The following CDH17 variants were observed in gnomAD, a reference collection of about 807,000 sequenced individuals.
CDH17 encodes the protein cadherin 17, also known as cadherin-17.
A neutral mutation model predicts 86.3 loss-of-function variants in CDH17; 67 were observed. That is an observed-to-expected ratio of 0.78 (90% CI 0.64 to 0.95). The LOEUF (loss-of-function observed/expected upper bound fraction) is 0.95, where lower values mean the gene tolerates loss of function less well. Among genes scored for constraint, CDH17 ranks in the 40% least tolerant of loss-of-function variants. The probability of loss-of-function intolerance (pLI) is 0.00; values close to 1 mark genes in which losing one functional copy is unlikely to be tolerated. For missense variants in CDH17, 993 were observed against 1,017.6 expected (o/e 0.98, Z 0.33); for synonymous variants, 367 against 366.4 (o/e 1.00, Z -0.02).
intron 12 of CDH17, among the ~76,000 whole-genome samples, chr8:94,156,683 C>A (rs1812954820): frequency 1.3e-5 from 2 of 152,328 alleles, no homozygotes; most frequent in South Asian, 4.1e-4. Context: ...CCATCTGACT[C>A]TTGAATTAGG....
rs1393176201 is a variant in CDH17 at position 94,130,817 on chromosome 8, T to C, written c.2284+59A>G. ...GAATCCCATATCAAAGACAAGAATC[T>C]CCTCAAACGGCCCATGGTGACAGAT... On this transcript the variant is annotated intron_variant, in intron 16 of 17. Transcript: ENST00000027335. The C allele has an allele frequency of 2.0e-6, 3 of 1,494,028 alleles. No individual in the cohort carries two copies. The East Asian group carries it at 6.8e-5, about 34-fold the overall frequency. The allele number at this position is 1,494,028 out of a possible 1,614,324, so 92.5% of individuals were successfully genotyped here.
At chr8:94,204,327 G>A (rs775559563) in intron 1 of CDH17, among the ~76,000 whole-genome samples, 10 of 151,956 alleles carry the variant, frequency 6.6e-5, no homozygotes, top group African/African-American at 9.7e-5. Context: ...GACAGGCCCC[G>A]ATGTGTGATG....
At chr8:94,199,220 G>A (rs1204766287) in intron 1 of CDH17, among the ~76,000 whole-genome samples, 2 of 151,346 alleles carry the variant, frequency 1.3e-5, no homozygotes, top group Non-Finnish European at 2.9e-5. Context: ...ATCAGATGTT[G>A]GGTAAATTCT....
chr8:94,150,357 G>A (rs1812834300), intron 13 of CDH17, among the ~76,000 whole-genome samples: 1 of 152,164 alleles, frequency 6.6e-6, no homozygotes, highest in African/African-American at 2.4e-5. Flanking sequence ...CTTGGAGCAG[G>A]CTGGAAGCAG....
At chr8:94,197,837 A>G (rs998809880) in intron 1 of CDH17, among the ~76,000 whole-genome samples, 32 of 150,620 alleles carry the variant, frequency 2.1e-4, no homozygotes, top group Non-Finnish European at 4.3e-4. Context: ...TCTAAAAAAA[A>G]AAAAAAAAAA....
intron 2 of CDH17, among the ~76,000 whole-genome samples, chr8:94,191,102 A>T (rs1435855334): frequency 1.3e-5 from 2 of 152,076 alleles, no homozygotes; most frequent in Admixed American, 1.3e-4. Flanking sequence ...GTTCTGGTTC[A>T]TGAAATGAGA....
intron 12 of CDH17, among the ~76,000 whole-genome samples, 188 bp from the exon 13 acceptor site, chr8:94,152,300 A>G (rs1244809885): frequency 1.3e-5 from 2 of 152,264 alleles, no homozygotes; most frequent in Non-Finnish European, 2.9e-5. Flanking sequence ...TAGATTACAG[A>G]CAAAATATAA....
chr8:94,212,819 C>A (rs565808419), upstream of CDH17, among the ~76,000 whole-genome samples: 17 of 152,334 alleles, frequency 1.1e-4, no homozygotes, highest in Admixed American at 3.9e-4. Flanking sequence ...GCAGGCGGGG[C>A]CCTCAATCTG....
At chr8:94,201,293 A>G (rs972735057) in intron 1 of CDH17, among the ~76,000 whole-genome samples, 3 of 152,036 alleles carry the variant, frequency 2.0e-5, no homozygotes, top group South Asian at 2.1e-4. Context: ...TCCAAATGCT[A>G]TGGGTAGAAT....
intron 1 of CDH17, among the ~76,000 whole-genome samples, chr8:94,198,041 A>G (rs538752231): frequency 6.6e-6 from 1 of 151,988 alleles, no homozygotes; most frequent in South Asian, 2.1e-4. Context: ...TGGAATTTCA[A>G]CTCTTGCTAC....
At chr8:94,201,333 GTTGGAGTCCTAACTTC>G (rs1435543084) in intron 1 of CDH17, among the ~76,000 whole-genome samples, 2 of 152,114 alleles carry the variant, frequency 1.3e-5, no homozygotes, top group Non-Finnish European at 2.9e-5. Context: ...AAAAGCATAT[GTTGGAGTCCTAACTTC>G]CAAGCACCTC....
chr8:94,141,781 A>T (rs941715144), intron 15 of CDH17, among the ~76,000 whole-genome samples: 5 of 152,202 alleles, frequency 3.3e-5, no homozygotes, highest in Non-Finnish European at 7.4e-5. Context: ...AAGACTTAAT[A>T]TATCAATTCT....
intron 3 of CDH17, among the ~76,000 whole-genome samples, chr8:94,180,292 A>T (rs1813452959): frequency 1.3e-5 from 2 of 152,050 alleles, no homozygotes; most frequent in South Asian, 4.2e-4. Flanking sequence ...CCAGTGAAAC[A>T]CCATCAAGCA....
intron 7 of CDH17, 113 bp from the exon 8 acceptor site, chr8:94,171,098 G>T: frequency 1.2e-5 from 13 of 1,119,092 alleles, no homozygotes; most frequent in South Asian, 3.9e-5. Flanking sequence ...GTATGTTTGT[G>T]GTTTCTTGTA....
At chr8:94,174,941 A>T (rs72670357) in intron 5 of CDH17, among the ~76,000 whole-genome samples, 53,882 of 152,080 alleles carry the variant, frequency 0.35, 10,518 homozygotes, top group South Asian at 0.47. Context: ...ATAATTTTTT[A>T]AAATTTCTAA....
chr8:94,207,919 T>C (rs1814060610), intron 1 of CDH17, among the ~76,000 whole-genome samples: 1 of 152,206 alleles, frequency 6.6e-6, no homozygotes, highest in South Asian at 2.1e-4. Context: ...TTCTCTCACT[T>C]GTGAAGGCAG....
chr8:94,130,563 T>G, intron 17 of CDH17, 63 bp downstream of exon 17: 2 of 1,130,968 alleles, frequency 1.8e-6, no homozygotes, highest in South Asian at 1.4e-5. Context: ...AGACAGGCCC[T>G]GAGATGAGCT....
chr8:94,174,928 T>C (rs867526473), intron 5 of CDH17, among the ~76,000 whole-genome samples: 1 of 152,186 alleles, frequency 6.6e-6, no homozygotes, highest in Non-Finnish European at 1.5e-5. Flanking sequence ...TTTTAATGAA[T>C]TAATAATTTT....
upstream of CDH17, among the ~76,000 whole-genome samples, chr8:94,209,792 C>T (rs372908141): frequency 3.9e-5 from 6 of 152,168 alleles, no homozygotes; most frequent in East Asian, 3.8e-4. Context: ...AAAATCAAAT[C>T]GCTTCCACTT....
Sources: allele counts gnomAD v4.1 joint callset (sites outside exome capture counted in the v4.1 genomes callset), GRCh38; gene constraint gnomAD v4.1.1; transcripts MANE v1.5; gene names NCBI Gene and HGNC (gene_info 2026-07-23, HGNC 2026-07-21).